EML6: variants seen among roughly 807,000 people sequenced by gnomAD.
EML6 encodes the protein EMAP like 6, also known as echinoderm microtubule-associated protein-like 6.
Under a neutral mutation model 240.1 loss-of-function variants are expected in EML6, and 154 were observed. The ratio of observed to expected loss-of-function variants is 0.64; its 90% CI spans 0.56 to 0.73. EML6 has a LOEUF of 0.73. EML6 is among the 30% of genes least tolerant of loss of function. The pLI, the probability that EML6 is intolerant of heterozygous loss-of-function variation, is 0.00. For missense variants in EML6, 2,964 were observed against 2,474.6 expected (o/e 1.20, Z -4.20); for synonymous variants, 1,148 against 899.0 (o/e 1.28, Z -4.95).
At chr2:54,796,128 A>T (rs2103938110) in intron 2 of EML6, among the ~76,000 whole-genome samples, 1 of 152,338 alleles carries the variant, frequency 6.6e-6, no homozygotes, top group South Asian at 2.1e-4. Context: ...CAAGTATGAT[A>T]CAAAATCCGT....
intron 32 of EML6, among the ~76,000 whole-genome samples, chr2:54,955,002 T>C (rs1048913549): frequency 5.9e-5 from 9 of 152,284 alleles, no homozygotes; most frequent in African/African-American, 2.2e-4. Flanking sequence ...TGTAAAGAGA[T>C]CAGCACACTG....
chr2:54,857,113 A>G (rs1372961526), intron 11 of EML6, among the ~76,000 whole-genome samples: 1 of 152,172 alleles, frequency 6.6e-6, no homozygotes, highest in Non-Finnish European at 1.5e-5. Flanking sequence ...GAGAAAAAAG[A>G]TATTTGTCTC....
rs1164032809 is a variant in EML6 at position 54,892,508 on chromosome 2, CAAT to C, written c.2595_2597del (p.Met867del). On this transcript the variant is annotated inframe_deletion, in exon 19 of 42. Coordinates refer to ENST00000356458, the MANE Select transcript of EML6 (RefSeq NM_001039753.4). ...TTTGGAAGCGTTGGAAAATTGGAAACAATGATGTGTGTTTCTTACGGACGAATG... is the reference window on the plus strand; with the variant it reads ...TTTGGAAGCGTTGGAAAATTGGAAACGATGTGTGTTTCTTACGGACGAATG... 7.7e-6 allele frequency: 12 copies of C among 1,551,290 alleles called. No individual in the cohort carries two copies. The highest frequency in any genetic ancestry group is 2.7e-5 in the African/African-American group (2 of 73,006).
rs117034942 is a variant in EML6, at chr2:54,844,696, C to A, written c.1049+448C>A. ...TTAGCACATGAATAAGCTATTATTT[C>A]TTTTTAAAGTCTCAGATGAAATTTT... On this transcript the variant is annotated intron_variant, in intron 8 of 41. Coordinates refer to ENST00000356458, the MANE Select transcript of EML6 (RefSeq NM_001039753.4). Among the ~76,000 whole-genome samples the A allele has an allele frequency of 5.4e-4, 82 of 152,220 alleles. 1 individual carries two copies. In the East Asian group the frequency reaches 0.016, roughly 29 times the overall value.
intron 17 of EML6, among the ~76,000 whole-genome samples, chr2:54,886,672 G>C (rs541026480): frequency 2.0e-5 from 3 of 152,208 alleles, no homozygotes; most frequent in African/African-American, 7.2e-5. Flanking sequence ...TCTCATTATG[G>C]TTTTCCTAAT....
chr2:54,946,487 A>G (rs1675699530), intron 28 of EML6, among the ~76,000 whole-genome samples: 3 of 152,216 alleles, frequency 2.0e-5, no homozygotes, highest in African/African-American at 7.2e-5. Flanking sequence ...TTCTGATGGA[A>G]TCTGAATCTA....
At chr2:54,880,712 C>G (rs972131205) in intron 17 of EML6, 2 of 152,196 alleles carry the variant, frequency 1.3e-5, no homozygotes, top group African/African-American at 4.8e-5. Context: ...TCATTCCACT[C>G]CCTTCTAGTA....
intron 5 of EML6, among the ~76,000 whole-genome samples, chr2:54,824,465 C>CAATT (rs1668492416): frequency 6.6e-6 from 1 of 152,062 alleles, no homozygotes; most frequent in African/African-American, 2.4e-5. Context: ...AGGATTTCTC[C>CAATT]ACTTTTTTTT....
At chr2:54,831,757 C>T (rs114503661) in intron 7 of EML6, among the ~76,000 whole-genome samples, 2 of 152,016 alleles carry the variant, frequency 1.3e-5, no homozygotes, top group Non-Finnish European at 2.9e-5. Context: ...TGGTATAGAT[C>T]ATGTTCCAGT....
At chr2:54,908,672 C>T (rs957857874) in intron 24 of EML6, among the ~76,000 whole-genome samples, 1 of 152,158 alleles carries the variant, frequency 6.6e-6, no homozygotes, top group African/African-American at 2.4e-5. Context: ...CCTCTCTCTG[C>T]ACAAGCAGCC....
At chr2:54,916,478 A>G (rs1673914816) in intron 25 of EML6, among the ~76,000 whole-genome samples, 1 of 147,442 alleles carries the variant, frequency 6.8e-6, no homozygotes, top group Admixed American at 6.8e-5. Context: ...ATAAATGTCT[A>G]GTTAAGAACT....
At chr2:54,899,999 T>C (rs1013731685) in intron 22 of EML6, among the ~76,000 whole-genome samples, 1 of 152,212 alleles carries the variant, frequency 6.6e-6, no homozygotes, top group African/African-American at 2.4e-5. Flanking sequence ...TCACTTCATT[T>C]TCCTTGCACT....
chr2:54,923,174 C>T (rs1483698903), intron 26 of EML6, among the ~76,000 whole-genome samples: 1 of 152,028 alleles, frequency 6.6e-6, no homozygotes. Context: ...CTCCCAACCT[C>T]AGCTGATCCA....
At chr2:54,893,893 G>A (rs114501202) in intron 19 of EML6, among the ~76,000 whole-genome samples, 3,377 of 152,006 alleles carry the variant, frequency 0.022, 113 homozygotes, top group African/African-American at 0.073. Context: ...TAAACTGCAA[G>A]TATTAGAAAA....
intron 32 of EML6, 100 bp from the exon 33 acceptor site, chr2:54,957,690 T>C (rs1312218797): frequency 2.0e-6 from 2 of 1,020,278 alleles, no homozygotes; most frequent in Non-Finnish European, 1.5e-6. Context: ...AACTGAGGCA[T>C]GGCTTACGCC....
intron 24 of EML6, among the ~76,000 whole-genome samples, chr2:54,907,412 C>T (rs1673382214): frequency 6.6e-6 from 1 of 151,940 alleles, no homozygotes; most frequent in Non-Finnish European, 1.5e-5. Context: ...GAGGCTGAGG[C>T]CAGGAGAATC....
chr2:54,890,337 C>CT (rs1298889802), intron 17 of EML6, among the ~76,000 whole-genome samples: 16 of 152,054 alleles, frequency 1.1e-4, no homozygotes, highest in Non-Finnish European at 1.8e-4. Context: ...TTTTTAATTG[C>CT]TTTTTTTACA....
At chr2:54,938,736 C>G (rs967643839) in intron 28 of EML6, among the ~76,000 whole-genome samples, 10 of 152,182 alleles carry the variant, frequency 6.6e-5, no homozygotes, top group African/African-American at 2.4e-4. Flanking sequence ...TGATGGGTTC[C>G]TTGGACATCT....
At chr2:54,813,067 C>A (rs17345285) in intron 2 of EML6, among the ~76,000 whole-genome samples, 165 bp from the exon 3 acceptor site, 1 of 152,082 alleles carries the variant, frequency 6.6e-6, no homozygotes, top group East Asian at 1.9e-4. Flanking sequence ...CTAAAGTGAA[C>A]ATTTCAATTA....
Sources: gnomAD v4.1 joint callset for allele counts (sites outside exome capture counted in the v4.1 genomes callset) on GRCh38, gnomAD v4.1.1 for gene constraint, MANE v1.5 for transcripts, NCBI Gene and HGNC (gene_info 2026-07-23, HGNC 2026-07-21) for gene names.